Variants in OXNAD1 observed in about 807,000 individuals in gnomAD.
OXNAD1 encodes oxidoreductase NAD-binding domain-containing protein 1.
OXNAD1 carries 34 observed loss-of-function variants against 32.9 expected under a neutral mutation model. The ratio of observed to expected loss-of-function variants is 1.03; its 90% confidence interval spans 0.79 to 1.38. The LOEUF (loss-of-function observed/expected upper bound fraction) is 1.38, where lower values mean the gene tolerates loss of function less well. OXNAD1 is among the 40% of genes most tolerant of loss of function. The pLI, the probability that OXNAD1 is intolerant of heterozygous loss-of-function variation, is 0.00. For missense variants in OXNAD1, 407 were observed against 379.4 expected, an observed-to-expected ratio of 1.07 and a Z score of -0.60; for synonymous variants, 134 against 135.2, an observed-to-expected ratio of 0.99 and a Z score of 0.06.
intron 2 of OXNAD1, among the ~76,000 whole-genome samples, chr3:16,270,543 C>A (rs961585061): frequency 5.3e-5 from 8 of 152,136 alleles, no homozygotes; most frequent in African/African-American, 1.9e-4. Context: ...GTAAATTTAT[C>A]TTCCTCTTAC....
rs1279948153 is a variant in OXNAD1 at position 16,312,487 on chromosome 3, C to T, written c.*30+8895C>T. On this transcript the variant is annotated intron_variant, in intron 9 of 9. Coordinates refer to the OXNAD1 transcript ENST00000435829. This position sits in a 1 kb window ranked among gnomAD's most constrained non-coding sequence, Gnocchi z 4.7. ...ACACACCAGTCATCCTCACCCTTCCCGTCTTGCCAGTCCTTTCAGGACTTG... is the reference window on the plus strand; with the variant it reads ...ACACACCAGTCATCCTCACCCTTCCTGTCTTGCCAGTCCTTTCAGGACTTG... Among the ~76,000 whole-genome samples the T allele has an allele frequency of 1.3e-5, 2 of 152,232 alleles. No homozygotes were observed. Among genetic ancestry groups the T allele is most frequent in the African/African-American group, 4.8e-5 (2 of 41,452 alleles).
intron 9 of OXNAD1, chr3:16,315,824 G>A (rs759944011): frequency 2.0e-5 from 3 of 152,230 alleles, no homozygotes; most frequent in Non-Finnish European, 2.9e-5. Flanking sequence ...TGTTCCTAGT[G>A]ACACGATAAA....
At chr3:16,347,246 G>A (rs1253666121) in intron 9 of OXNAD1, among the ~76,000 whole-genome samples, 1 of 152,150 alleles carries the variant, frequency 6.6e-6, no homozygotes, top group Non-Finnish European at 1.5e-5. Context: ...TACTGTCAAG[G>A]ACACCCTACA....
chr3:16,271,513 G>T lies in OXNAD1; in HGVS notation c.120-146G>T. 4.5e-6 allele frequency: 3 copies of T among 667,244 alleles called. No individual in the cohort carries two copies. The highest frequency in any genetic ancestry group is 7.0e-6 in the Non-Finnish European group (3 of 426,958). 41.3% of individuals were successfully genotyped at this position (667,244 alleles called of 1,614,324 possible). A position where few individuals can be genotyped will look rare whatever the true frequency, so the allele number is the denominator to read the frequency against. ...GCCACCATGCCCGGCCAAAACTTTAGTTAGACGGGCAGATACTCACTGGCC... is the reference window on the plus strand; with the variant it reads ...GCCACCATGCCCGGCCAAAACTTTATTTAGACGGGCAGATACTCACTGGCC... On this transcript the variant is annotated intron_variant, in intron 3 of 8. Transcript: ENST00000285083. The surrounding 1 kb of genome is among the most constrained non-coding windows in gnomAD (Gnocchi z 4.6).
exon 10 of OXNAD1, chr3:16,349,868 C>G (rs2071974985): frequency 6.6e-6 from 1 of 152,094 alleles, no homozygotes; most frequent in Non-Finnish European, 1.5e-5. Flanking sequence ...GGTAGCCCAG[C>G]AGGCTGGATA....
chr3:16,341,039 A>G (rs961866280), downstream of OXNAD1, among the ~76,000 whole-genome samples: 5 of 152,282 alleles, frequency 3.3e-5, no homozygotes, highest in Non-Finnish European at 7.3e-5. This position sits in a 1 kb window ranked among gnomAD's most constrained non-coding sequence, Gnocchi z 4.7. Context: ...GCAGGTAGCA[A>G]ATAATAAGCA....
chr3:16,338,137 A>G (rs560248556), downstream of OXNAD1, among the ~76,000 whole-genome samples: 6 of 152,384 alleles, frequency 3.9e-5, no homozygotes, highest in African/African-American at 1.4e-4. This position sits in a 1 kb window ranked among gnomAD's most constrained non-coding sequence, Gnocchi z 5.3. Context: ...GTCCTGGTAC[A>G]TGCGGTTTCT....
Position 16,317,186 on chromosome 3 carries a change from C to A in OXNAD1, c.*30+13594C>A, listed in dbSNP as rs116965256. 8.2e-4 allele frequency: 1,328 copies of A among 1,613,150 alleles called. 48 individuals carry two copies. The East Asian group carries it at 0.029, about 35-fold the overall frequency. On this transcript the variant is annotated intron_variant, in intron 9 of 9. Coordinates refer to the OXNAD1 transcript ENST00000435829. This position sits in a 1 kb window ranked among gnomAD's most constrained non-coding sequence, Gnocchi z 4.3. ...GGCACTGAGTTTACCTTTTGATTTCCTCATCTGCCTGTTGTGCATTTCTTC... is the reference window on the plus strand; with the variant it reads ...GGCACTGAGTTTACCTTTTGATTTCATCATCTGCCTGTTGTGCATTTCTTC...
At chr3:16,286,673 A>C (rs1262095052) in intron 5 of OXNAD1, among the ~76,000 whole-genome samples, 3 of 152,312 alleles carry the variant, frequency 2.0e-5, no homozygotes, top group Non-Finnish European at 4.4e-5. Flanking sequence ...TCGTATATGA[A>C]AATTGCTGTC....
rs573997338 is a variant in OXNAD1, at chr3:16,334,467, G to A, written c.*31-2645G>A. ...TGCACAGAGTTATTCACTGGAGAGC[G>A]GTCTGCAGTAGCAAGACACTGGAAA... On this transcript the variant is annotated intron_variant, in intron 9 of 9. Transcript: ENST00000435829. This position sits in a 1 kb window ranked among gnomAD's most constrained non-coding sequence, Gnocchi z 4.3. Among the ~76,000 whole-genome samples the A allele has an allele frequency of 6.8e-4, 103 of 152,252 alleles. No homozygotes were observed. Among genetic ancestry groups the A allele is most frequent in the African/African-American group, 2.1e-3 (86 of 41,522 alleles).
At position 16,329,367 on chromosome 3, in the gene OXNAD1, TTAA is replaced by T. The variant is rs1163629995; in HGVS notation, c.*31-7741_*31-7739del. Among the ~76,000 whole-genome samples the T allele has an allele frequency of 6.6e-6, 1 of 151,530 alleles. No individual in the cohort carries two copies. Among genetic ancestry groups the T allele is most frequent in the Admixed American group, 6.6e-5 (1 of 15,212 alleles). Reference sequence around the variant, plus strand: ...AGAAAGGGAAAGGGAAAGAGGAAACTTAATAAAGGAAGGCGGAAGGGAGGAGGG... The same window carrying T: ...AGAAAGGGAAAGGGAAAGAGGAAACTTAAAGGAAGGCGGAAGGGAGGAGGG... On this transcript the variant is annotated intron_variant, in intron 9 of 9. Transcript: ENST00000435829. This position sits in a 1 kb window ranked among gnomAD's most constrained non-coding sequence, Gnocchi z 4.5.
chr3:16,279,752 G>A (rs2065615875), intron 4 of OXNAD1, among the ~76,000 whole-genome samples: 2 of 152,236 alleles, frequency 1.3e-5, no homozygotes, highest in South Asian at 4.1e-4. Context: ...GGTCATCACT[G>A]GATTTACCAA....
chr3:16,292,554 T>C (rs2066504370), intron 5 of OXNAD1, among the ~76,000 whole-genome samples: 1 of 151,916 alleles, frequency 6.6e-6, no homozygotes, highest in Admixed American at 6.6e-5. Context: ...TGAAATCTGT[T>C]TCTCTATTTT....
rs1382786376 is a variant in OXNAD1, at chr3:16,287,055, T to G, written c.290+607T>G. Among the ~76,000 whole-genome samples, 2 of 152,168 alleles carry G rather than the reference T, an allele frequency of 1.3e-5. No individual in the cohort carries two copies. Among genetic ancestry groups the G allele is most frequent in the Non-Finnish European group, 2.9e-5 (2 of 68,024 alleles). On this transcript the variant is annotated intron_variant, in intron 5 of 8. Transcript: ENST00000285083. This position sits in a 1 kb window ranked among gnomAD's most constrained non-coding sequence, Gnocchi z 4.8. ...CCACACAAATCATAAGTCTGTCCCA[T>G]TTGACTCGGGACTGATCAGCATGCT...
rs990990950 is a variant in OXNAD1, at chr3:16,287,209, A to G, written c.290+761A>G. Reference sequence around the variant, plus strand: ...TGTGTGTCCTTTATTTTAATAAAGCATTCATTTCTAAATGGATTTCTGGCA... The same window carrying G: ...TGTGTGTCCTTTATTTTAATAAAGCGTTCATTTCTAAATGGATTTCTGGCA... On this transcript the variant is annotated intron_variant, in intron 5 of 8. Transcript: ENST00000285083. This position sits in a 1 kb window ranked among gnomAD's most constrained non-coding sequence, Gnocchi z 4.8. 2.6e-5 allele frequency among the ~76,000 whole-genome samples: 4 copies of G among 152,188 alleles called. No individual in the cohort carries two copies. Among genetic ancestry groups the G allele is most frequent in the African/African-American group, 9.7e-5 (4 of 41,440 alleles).
At chr3:16,275,048 T>A (rs1263180299) in intron 4 of OXNAD1, 1 of 153,632 alleles carries the variant, frequency 6.5e-6, no homozygotes, top group Non-Finnish European at 1.5e-5. Context: ...CTTTAAAGCC[T>A]TTTTACTCTG....
At chr3:16,269,354 A>G in intron 2 of OXNAD1, 79 bp downstream of exon 2, 4 of 1,457,392 alleles carry the variant, frequency 2.7e-6, no homozygotes, top group South Asian at 2.5e-5. Context: ...AACTACGTTT[A>G]GTGGTCTTGA....
At chr3:16,307,818 T>C (rs2672555), downstream of OXNAD1, among the ~76,000 whole-genome samples, 98,195 of 152,062 alleles carry the variant, frequency 0.65, 32,722 homozygotes, top group African/African-American at 0.82. Context: ...CATCCAGCTT[T>C]CCCAAATGTT....
In OXNAD1 at chr3:16,314,086, A is replaced by G. The variant is rs2068162669; in HGVS notation, c.*30+10494A>G. Among the ~76,000 whole-genome samples, 1 of 151,936 alleles carries G rather than the reference A, an allele frequency of 6.6e-6. No individual in the cohort carries two copies. Among genetic ancestry groups the G allele is most frequent in the African/African-American group, 2.4e-5 (1 of 41,364 alleles). The stretch of plus-strand genomic sequence containing the variant: ...TCAATCACCTGATAACCACCTGATC[A>G]CAGTGGGTTTGCAGGACTCCCCTGC... On this transcript the variant is annotated intron_variant, in intron 9 of 9. Coordinates refer to the OXNAD1 transcript ENST00000435829. This position sits in a 1 kb window ranked among gnomAD's most constrained non-coding sequence, Gnocchi z 4.4.
Sources: allele counts gnomAD v4.1 joint callset (sites outside exome capture counted in the v4.1 genomes callset), GRCh38; gene constraint gnomAD v4.1.1; non-coding constraint Gnocchi (gnomAD v3.1); transcripts MANE v1.5; gene names NCBI Gene and HGNC (gene_info 2026-07-23, HGNC 2026-07-21).